The following NINJ2 variants were observed in gnomAD, a reference collection of about 807,000 sequenced individuals.
The protein encoded by NINJ2 is ninjurin-2.
NINJ2 carries 12 observed loss-of-function variants against 11.7 expected under a neutral mutation model. That is an observed-to-expected ratio of 1.02 (90% CI 0.66 to 1.66). The LOEUF (loss-of-function observed/expected upper bound fraction) is 1.66. Ranked by LOEUF, NINJ2 falls within the 40% of genes most tolerant of loss-of-function variation. The pLI is 0.00. For synonymous variants in NINJ2, 93 were observed against 76.8 expected (o/e 1.21, Z -1.10); for missense variants, 187 against 181.8 (o/e 1.03, Z -0.16).
rs903243511 is a variant in NINJ2, at chr12:604,553, G to A, written c.34-38375C>T. ...CTCGGGAGGCTGAGGCACGAGAATC[G>A]CTTGAACCTGGGAGGCGGAGGCTGC... On this transcript the variant is annotated intron_variant, in intron 1 of 3. Transcript: ENST00000305108. Among the ~76,000 whole-genome samples, 6 of 152,250 alleles carry A rather than the reference G, an allele frequency of 3.9e-5. No homozygotes were observed. The South Asian group carries it at 6.2e-4, about 16-fold the overall frequency.
At position 591,932 on chromosome 12, in the gene NINJ2, C is replaced by T. The variant is rs1054656277; in HGVS notation, c.34-25754G>A. On this transcript the variant is annotated intron_variant, in intron 1 of 3. Coordinates refer to ENST00000305108, the MANE Select transcript of NINJ2 (RefSeq NM_016533.6). This position sits in a 1 kb window ranked among gnomAD's most constrained non-coding sequence, Gnocchi z 5.0. The stretch of plus-strand genomic sequence containing the variant: ...AACAGAGGCCCCCAGGCGTTTTTCC[C>T]GGGTCACTCCCTTTGCCCCTCCTGC... 1.1e-4 allele frequency among the ~76,000 whole-genome samples: 17 copies of T among 152,206 alleles called. No homozygotes were observed. The highest frequency in any genetic ancestry group is 2.4e-5 in the African/African-American group (1 of 41,528).
chr12:626,436 T>C (rs186785035), intron 1 of NINJ2, among the ~76,000 whole-genome samples: 15 of 152,288 alleles, frequency 9.8e-5, no homozygotes, highest in African/African-American at 3.1e-4. Flanking sequence ...CTAAGAAACT[T>C]TGGACATTCT....
chr12:611,419 C>A lies in NINJ2; in HGVS notation c.34-45241G>T, dbSNP rs186961607. On this transcript the variant is annotated intron_variant, in intron 1 of 3. Transcript: ENST00000305108. Reference sequence around the variant, plus strand: ...GTGGCACGATCTTGGCTCATTACAACCACCACCTCCTGGGTTTACGCAATT... The same window carrying A: ...GTGGCACGATCTTGGCTCATTACAAACACCACCTCCTGGGTTTACGCAATT... 1.4e-4 allele frequency among the ~76,000 whole-genome samples: 21 copies of A among 152,172 alleles called. No individual in the cohort carries two copies. In the East Asian group the frequency reaches 3.9e-3, roughly 28 times the overall value.
At chr12:612,435 C>T (rs193098372) in intron 1 of NINJ2, among the ~76,000 whole-genome samples, 77 of 152,178 alleles carry the variant, frequency 5.1e-4, no homozygotes, top group Middle Eastern at 3.4e-3. Context: ...AGAGTAGGGG[C>T]GGGAGTCCTG....
intron 1 of NINJ2, among the ~76,000 whole-genome samples, chr12:579,278 AC>A (rs1555162020): frequency 7.4e-6 from 1 of 135,316 alleles, no homozygotes; most frequent in Non-Finnish European, 1.6e-5. Context: ...TGAATTTCCC[AC>A]CCCACCCAGC....
At chr12:600,216 A>G (rs1381157481) in intron 1 of NINJ2, among the ~76,000 whole-genome samples, 1 of 152,062 alleles carries the variant, frequency 6.6e-6, no homozygotes, top group Admixed American at 6.5e-5. Context: ...TATGAGGGGA[A>G]AAGGTGGTCA....
chr12:573,338 A>G (rs771494342), intron 1 of NINJ2, among the ~76,000 whole-genome samples: 1 of 152,048 alleles, frequency 6.6e-6, no homozygotes, highest in Non-Finnish European at 1.5e-5. Context: ...AGAGCCTGTA[A>G]TTTTCACCCT....
chr12:594,916 C>A (rs1309536543), intron 1 of NINJ2, among the ~76,000 whole-genome samples: 2 of 152,100 alleles, frequency 1.3e-5, no homozygotes, highest in Non-Finnish European at 2.9e-5. Context: ...CTGACACCAC[C>A]CGACTTCAAG....
At position 581,539 on chromosome 12, in the gene NINJ2, G is replaced by GCT. The variant is rs1004427266; in HGVS notation, c.34-15363_34-15362dup. On this transcript the variant is annotated intron_variant, in intron 1 of 3. Coordinates refer to ENST00000305108, the MANE Select transcript of NINJ2 (RefSeq NM_016533.6). This position sits in a 1 kb window ranked among gnomAD's most constrained non-coding sequence, Gnocchi z 4.9. The stretch of plus-strand genomic sequence containing the variant: ...GTCCAGCCTGGATCCTCATACCGGG[G>GCT]CTCTCCTGTCCTTCCTCAGGATTCG... 9.2e-5 allele frequency among the ~76,000 whole-genome samples: 14 copies of GCT among 152,166 alleles called. No individual in the cohort carries two copies. The highest frequency in any genetic ancestry group is 2.9e-4 in the African/African-American group (12 of 41,446).
rs569928601 is a variant in NINJ2, at chr12:587,368, G to A, written c.34-21190C>T. On this transcript the variant is annotated intron_variant, in intron 1 of 3. Transcript: ENST00000305108. ...TGGCGGGAGCAACTCCCGGTCAAGC[G>A]GCGGCAGGAAGTGCCCCAAAGGTGT... Among the ~76,000 whole-genome samples the A allele has an allele frequency of 8.5e-5, 13 of 152,370 alleles. No individual in the cohort carries two copies. In the East Asian group the frequency reaches 1.5e-3, roughly 18 times the overall value.
At chr12:637,996 T>C (rs1041985901) in intron 1 of NINJ2, among the ~76,000 whole-genome samples, 4 of 152,240 alleles carry the variant, frequency 2.6e-5, no homozygotes, top group African/African-American at 9.6e-5. Context: ...TCACTGTACC[T>C]TGAAGGACCA....
intron 1 of NINJ2, among the ~76,000 whole-genome samples, chr12:639,716 C>T (rs1948397301): frequency 1.3e-5 from 2 of 152,154 alleles, no homozygotes; most frequent in Admixed American, 6.6e-5. Flanking sequence ...AAGTGATATA[C>T]ATAGATCTCC....
At chr12:587,047 G>A (rs1346901866) in intron 1 of NINJ2, among the ~76,000 whole-genome samples, 1 of 152,184 alleles carries the variant, frequency 6.6e-6, no homozygotes, top group Non-Finnish European at 1.5e-5. Flanking sequence ...GATAAACAAG[G>A]CCAAAGGGAA....
At chr12:645,118 T>C (rs749081275) in intron 1 of NINJ2, 4 of 152,216 alleles carry the variant, frequency 2.6e-5, no homozygotes, top group Non-Finnish European at 4.4e-5. Context: ...GCATCCCCAA[T>C]CTGACTCAGC....
At chr12:617,229 CT>C (rs1209952494) in intron 1 of NINJ2, among the ~76,000 whole-genome samples, 1 of 135,898 alleles carries the variant, frequency 7.4e-6, no homozygotes, top group East Asian at 1.9e-4. Flanking sequence ...TGTTCACCCC[CT>C]GTTCTTGCCC....
At chr12:646,177 G>A (rs1176653088) in intron 1 of NINJ2, among the ~76,000 whole-genome samples, 1 of 152,196 alleles carries the variant, frequency 6.6e-6, no homozygotes, top group Non-Finnish European at 1.5e-5. Flanking sequence ...TTGAGGATAA[G>A]CCTTGTCTAC....
chr12:579,071 C>T (rs764107292), intron 1 of NINJ2, among the ~76,000 whole-genome samples: 1 of 152,186 alleles, frequency 6.6e-6, no homozygotes, highest in Non-Finnish European at 1.5e-5. Context: ...GTCAACATTC[C>T]ACATAAGGGT....
chr12:574,425 T>C (rs1389692719), intron 1 of NINJ2, among the ~76,000 whole-genome samples: 1 of 152,206 alleles, frequency 6.6e-6, no homozygotes, highest in Non-Finnish European at 1.5e-5. Context: ...GTTGGAAACT[T>C]AATCCCTGCT....
At chr12:634,342 C>T (rs745730171) in intron 1 of NINJ2, among the ~76,000 whole-genome samples, 1 of 141,562 alleles carries the variant, frequency 7.1e-6, no homozygotes, top group Non-Finnish European at 1.5e-5. Flanking sequence ...TCACTGCAAC[C>T]TCCGCCTCCC....
Sources: allele counts gnomAD v4.1 joint callset (sites outside exome capture counted in the v4.1 genomes callset), GRCh38; gene constraint gnomAD v4.1.1; non-coding constraint Gnocchi (gnomAD v3.1); transcripts MANE v1.5; gene names NCBI Gene and HGNC (gene_info 2026-07-23, HGNC 2026-07-21).